The following ST3GAL3 variants were observed in gnomAD, a reference collection of about 807,000 sequenced individuals.
ST3GAL3 encodes CMP-N-acetylneuraminate-beta-1,4-galactoside alpha-2,3-sialyltransferase.
A neutral mutation model predicts 50.1 loss-of-function variants in ST3GAL3; 21 were observed. That is an observed-to-expected ratio of 0.42 (90% CI 0.30 to 0.60). The LOEUF (loss-of-function observed/expected upper bound fraction) is 0.60, where lower values mean the gene tolerates loss of function less well. Among genes scored for constraint, ST3GAL3 ranks in the 20% least tolerant of loss-of-function variants. The pLI, the probability that ST3GAL3 is intolerant of heterozygous loss-of-function variation, is 0.19. For missense variants in ST3GAL3, 353 were observed against 489.4 expected (o/e 0.72, Z 2.63); for synonymous variants, 183 against 190.0 (o/e 0.96, Z 0.30).
At chr1:43,763,959 C>T (rs765476259) in intron 2 of ST3GAL3, among the ~76,000 whole-genome samples, 5 of 152,172 alleles carry the variant, frequency 3.3e-5, no homozygotes, top group Non-Finnish European at 5.9e-5. Context: ...TGGAATCCAC[C>T]CCACCTAACG....
intron 1 of ST3GAL3, among the ~76,000 whole-genome samples, chr1:43,725,659 T>A (rs1430821576): frequency 1.3e-5 from 2 of 152,146 alleles, no homozygotes; most frequent in Non-Finnish European, 2.9e-5. Context: ...ATTAATTAAT[T>A]TTTTTGAGAC....
At chr1:43,892,927 C>T (rs1425720294) in intron 5 of ST3GAL3, among the ~76,000 whole-genome samples, 1 of 152,168 alleles carries the variant, frequency 6.6e-6, no homozygotes, top group African/African-American at 2.4e-5. Flanking sequence ...TATTAATTTA[C>T]TTAGATTTTA....
At chr1:43,862,037 A>G (rs1264532275) in intron 5 of ST3GAL3, among the ~76,000 whole-genome samples, 45 of 152,038 alleles carry the variant, frequency 3.0e-4, no homozygotes, top group Non-Finnish European at 4.4e-5. Flanking sequence ...TTAAAAAAAA[A>G]AAAAAAAAAG....
chr1:43,811,392 G>T (rs924740849), intron 3 of ST3GAL3, among the ~76,000 whole-genome samples: 17 of 152,186 alleles, frequency 1.1e-4, no homozygotes, highest in African/African-American at 3.9e-4. Flanking sequence ...CTCTGGTGGG[G>T]TGCTTTTGTG....
At chr1:43,746,277 G>GTCAAT (rs1174316825) in intron 2 of ST3GAL3, among the ~76,000 whole-genome samples, 1 of 152,282 alleles carries the variant, frequency 6.6e-6, no homozygotes, top group East Asian at 1.9e-4. Context: ...TCCTAGAGTA[G>GTCAAT]TCAATTCATA....
At chr1:43,736,646 C>A in intron 2 of ST3GAL3, 2 of 563,136 alleles carry the variant, frequency 3.6e-6, no homozygotes, top group South Asian at 1.9e-5. Flanking sequence ...AAAACCCAAA[C>A]TATACTCATA....
At chr1:43,722,434 C>A (rs1670930659) in intron 1 of ST3GAL3, among the ~76,000 whole-genome samples, 1 of 152,132 alleles carries the variant, frequency 6.6e-6, no homozygotes, top group Non-Finnish European at 1.5e-5. Flanking sequence ...GAGTCTGAGA[C>A]TTTACCCTAA....
intron 5 of ST3GAL3, among the ~76,000 whole-genome samples, chr1:43,863,264 C>A (rs367843472): frequency 3.3e-5 from 5 of 152,210 alleles, no homozygotes; most frequent in Admixed American, 2.0e-4. Flanking sequence ...CTGACCTGGC[C>A]ACAGCACACA....
chr1:43,912,918 G>A (rs1451831715), intron 9 of ST3GAL3: 2 of 152,370 alleles, frequency 1.3e-5, no homozygotes, highest in African/African-American at 4.8e-5. Flanking sequence ...GCCTTGAGGA[G>A]AAGCTGGACC....
At chr1:43,720,794 C>T (rs1670031258) in intron 1 of ST3GAL3, among the ~76,000 whole-genome samples, 1 of 152,146 alleles carries the variant, frequency 6.6e-6, no homozygotes, top group Non-Finnish European at 1.5e-5. Flanking sequence ...TAGGTATATG[C>T]CCAAGAGTAT....
chr1:43,752,627 T>A (rs1686605324), intron 2 of ST3GAL3, among the ~76,000 whole-genome samples: 1 of 152,062 alleles, frequency 6.6e-6, no homozygotes, highest in Non-Finnish European at 1.5e-5. Flanking sequence ...CATCCTCCCA[T>A]GTGGTGGTTG....
chr1:43,911,387 G>A (rs1023146594), intron 9 of ST3GAL3: 17 of 150,394 alleles, frequency 1.1e-4, no homozygotes, highest in Non-Finnish European at 1.9e-4. Context: ...GGATGGGACC[G>A]GGGTGGGAGG....
chr1:43,787,358 C>G (rs2057473305), intron 2 of ST3GAL3, among the ~76,000 whole-genome samples: 1 of 152,220 alleles, frequency 6.6e-6, no homozygotes, highest in Non-Finnish European at 1.5e-5. Context: ...TTGTTGAATA[C>G]TAAGTTTTCC....
At chr1:43,906,560 C>T (rs1313882418) in intron 9 of ST3GAL3, among the ~76,000 whole-genome samples, 14 of 139,374 alleles carry the variant, frequency 1.0e-4, no homozygotes, top group Admixed American at 2.9e-4. Context: ...TTCCTCTTCC[C>T]GCCACTCTTC....
chr1:43,800,861 A>G (rs1040107444), intron 3 of ST3GAL3, among the ~76,000 whole-genome samples: 1 of 152,210 alleles, frequency 6.6e-6, no homozygotes, highest in African/African-American at 2.4e-5. Flanking sequence ...GGCATATATT[A>G]CATATGTTTA....
chr1:43,756,673 T>C (rs968045468), intron 2 of ST3GAL3, among the ~76,000 whole-genome samples: 2 of 152,136 alleles, frequency 1.3e-5, no homozygotes, highest in African/African-American at 4.8e-5. Context: ...ATAGGGTTCA[T>C]TGCAACTCAC....
intron 2 of ST3GAL3, among the ~76,000 whole-genome samples, chr1:43,774,728 A>T (rs1428879797): frequency 1.3e-5 from 2 of 152,118 alleles, no homozygotes; most frequent in Admixed American, 6.5e-5. Flanking sequence ...CCTAAAGATG[A>T]CCTGTTTCCA....
chr1:43,826,668 C>T (rs1179560973), intron 4 of ST3GAL3, among the ~76,000 whole-genome samples: 1 of 152,224 alleles, frequency 6.6e-6, no homozygotes, highest in African/African-American at 2.4e-5. Flanking sequence ...CAATATCTCT[C>T]ATGAACATGC....
chr1:43,746,480 T>C (rs998674810), intron 2 of ST3GAL3, among the ~76,000 whole-genome samples: 2 of 131,470 alleles, frequency 1.5e-5, no homozygotes, highest in Non-Finnish European at 3.5e-5. Context: ...TTTTTTTTTT[T>C]GAGATGGAGT....
Sources: allele counts gnomAD v4.1 joint callset (sites outside exome capture counted in the v4.1 genomes callset), GRCh38; gene constraint gnomAD v4.1.1; transcripts MANE v1.5; gene names NCBI Gene and HGNC (gene_info 2026-07-23, HGNC 2026-07-21).